The following URI1 variants were observed in gnomAD, a reference collection of about 807,000 sequenced individuals.
URI1 encodes unconventional prefoldin RPB5 interactor 1.
Under a neutral mutation model 60.2 loss-of-function variants are expected in URI1, and 39 were observed. The ratio of observed to expected loss-of-function variants is 0.65; its 90% CI spans 0.50 to 0.85. The LOEUF is 0.85. Ranked by LOEUF, URI1 falls within the 40% of genes least tolerant of loss-of-function variation. URI1 has a pLI of 0.00. For synonymous variants in URI1, 251 were observed against 236.8 expected (o/e 1.06, Z -0.55); for missense variants, 691 against 665.9 (o/e 1.04, Z -0.42).
intron 1 of URI1, among the ~76,000 whole-genome samples, chr19:29,954,511 C>CT (rs11411965): frequency 0.8 from 92,693 of 115,888 alleles, 38,325 homozygotes; most frequent in Non-Finnish European, 0.88. Context: ...TACAGATAAA[C>CT]TTTTTTTTTT....
chr19:29,995,600 A>G (rs2055801931), intron 4 of URI1, among the ~76,000 whole-genome samples: 1 of 149,342 alleles, frequency 6.7e-6, no homozygotes, highest in Non-Finnish European at 1.5e-5. Context: ...CTTTCTTGAT[A>G]ATGTTGTTTG....
intron 1 of URI1, among the ~76,000 whole-genome samples, chr19:29,943,702 C>T (rs948462788): frequency 6.6e-6 from 1 of 152,040 alleles, no homozygotes; most frequent in African/African-American, 2.4e-5. Context: ...TGGAAACCAC[C>T]TGTTGGGATG....
At chr19:29,960,095 C>A (rs1415038981) in intron 1 of URI1, among the ~76,000 whole-genome samples, 2 of 152,138 alleles carry the variant, frequency 1.3e-5, no homozygotes, top group Admixed American at 1.3e-4. Flanking sequence ...ATTGGAAATA[C>A]ATTCCTTTTC....
intron 10 of URI1, among the ~76,000 whole-genome samples, chr19:30,013,919 TAGA>T (rs1238118422): frequency 1.3e-5 from 2 of 150,560 alleles, no homozygotes; most frequent in African/African-American, 2.4e-5. Context: ...TGGGGCAAGG[TAGA>T]AGAAGGTGGC....
At chr19:29,998,814 A>C (rs1040999060) in intron 4 of URI1, among the ~76,000 whole-genome samples, 1 of 152,028 alleles carries the variant, frequency 6.6e-6, no homozygotes, top group Non-Finnish European at 1.5e-5. Context: ...CATGTATAGT[A>C]ATTACTGATG....
chr19:29,959,024 G>A (rs1264193716), intron 1 of URI1, among the ~76,000 whole-genome samples: 1 of 151,934 alleles, frequency 6.6e-6, no homozygotes, highest in Non-Finnish European at 1.5e-5. Flanking sequence ...TAATGTCGAC[G>A]TAAGGATTTG....
chr19:30,002,000 C>T (rs928627491), intron 4 of URI1, among the ~76,000 whole-genome samples: 23 of 152,016 alleles, frequency 1.5e-4, no homozygotes, highest in African/African-American at 5.3e-4. Context: ...CCAGGGGGCA[C>T]GTCCTGTTGA....
intron 1 of URI1, among the ~76,000 whole-genome samples, chr19:29,930,684 C>T (rs1242280864): frequency 6.6e-6 from 1 of 151,842 alleles, no homozygotes; most frequent in Non-Finnish European, 1.5e-5. Flanking sequence ...TATCTGAGAC[C>T]ACAATGTTTT....
intron 2 of URI1, among the ~76,000 whole-genome samples, chr19:29,976,412 C>A (rs2055523276): frequency 6.6e-6 from 1 of 152,142 alleles, no homozygotes; most frequent in Non-Finnish European, 1.5e-5. Flanking sequence ...GTGGTTAGTG[C>A]TGTTGGTTGA....
chr19:30,001,184 A>T (rs2055873698), intron 4 of URI1, among the ~76,000 whole-genome samples: 2 of 151,686 alleles, frequency 1.3e-5, no homozygotes, highest in African/African-American at 4.8e-5. Context: ...GAATTTCTTC[A>T]AATGTCTGGT....
chr19:30,014,928 T>C lies in URI1; in HGVS notation c.1467T>C (p.Pro489=). 6.2e-7 allele frequency: 1 copy of C among 1,613,546 alleles called. No homozygotes were observed. Among genetic ancestry groups the C allele is most frequent in the Non-Finnish European group, 8.5e-7 (1 of 1,179,590 alleles). The stretch of plus-strand genomic sequence containing the variant: ...TTATAGAAAAAGAATTTGTATCACC[T>C]TCCTTAACACCACCCCCAGCCATTG... ...GTVIEKEFVS[P]SLTPPPAIAH... is the part of the protein sequence containing the mutation. Residue 489 remains proline (P), a synonymous_variant, in exon 11 of 11, where the codon CCT becomes CCC. Coordinates refer to ENST00000392271, the MANE Select transcript of URI1 (RefSeq NM_003796.3).
At chr19:29,936,122 T>TCTTTAGAGTTTTGCTC (rs2054970369) in intron 1 of URI1, among the ~76,000 whole-genome samples, 1 of 151,274 alleles carries the variant, frequency 6.6e-6, no homozygotes. Context: ...GAGTTTTGCT[T>TCTTTAGAGTTTTGCTC]TTTTAGAGTT....
chr19:29,963,396 T>C (rs573309256), intron 1 of URI1, among the ~76,000 whole-genome samples: 43 of 152,324 alleles, frequency 2.8e-4, no homozygotes, highest in Admixed American at 9.8e-4. Context: ...TAATGCCATT[T>C]ATTTTAATTT....
Position 30,011,019 on chromosome 19 carries a change from T to C in URI1, c.1036-75T>C, listed in dbSNP as rs768883648. ...TCTCTTACTATTATTTTTTTAGTTA[T>C]AGAGTTTATTTGTTTTGGTTTCACT... On this transcript the variant is annotated intron_variant, in intron 8 of 10. Transcript: ENST00000392271. 39 of 1,485,322 alleles carry C rather than the reference T, an allele frequency of 2.6e-5. No homozygotes were observed. The African/African-American group carries it at 3.3e-4, about 13-fold the overall frequency. The allele number at this position is 1,485,322 out of a possible 1,614,324, so 92.0% of individuals were successfully genotyped here.
At chr19:29,981,420 T>G (rs999234144) in intron 2 of URI1, among the ~76,000 whole-genome samples, 20 of 152,172 alleles carry the variant, frequency 1.3e-4, no homozygotes, top group African/African-American at 3.1e-4. Context: ...GTCTTGATCT[T>G]AATCCTTTAA....
Position 30,015,509 on chromosome 19 carries a change from C to T in URI1, c.*440C>T, listed in dbSNP as rs2056075053. On this transcript the variant is annotated 3_prime_UTR_variant, in exon 11 of 11. Transcript: ENST00000392271. The stretch of plus-strand genomic sequence containing the variant: ...TACTTGCTTTCACATTTTAAAGGCA[C>T]TTTAAAAAAATCTACTTCTCTTGTA... 2 of 1,524,930 alleles carry T rather than the reference C, an allele frequency of 1.3e-6. No individual in the cohort carries two copies. Among genetic ancestry groups the T allele is most frequent in the Admixed American group, 4.2e-5 (2 of 48,002 alleles). 94.5% of individuals were successfully genotyped at this position (1,524,930 alleles called of 1,614,324 possible).
rs969659098 is a variant in URI1, at chr19:29,956,450, C to T, written c.117+13786C>T. The T allele has an allele frequency of 3.4e-5, 54 of 1,587,306 alleles. No homozygotes were observed. In the Admixed American group the frequency reaches 8.7e-4, roughly 26 times the overall value. On this transcript the variant is annotated intron_variant, in intron 1 of 10. Transcript: ENST00000392271. The stretch of plus-strand genomic sequence containing the variant: ...TGCTGAACAGTTCCTTTTTCAGAGA[C>T]ATAGATACCATCCAAAAATTTCCTG...
At chr19:29,939,377 C>T (rs547493818), upstream of URI1, among the ~76,000 whole-genome samples, 17 of 150,088 alleles carry the variant, frequency 1.1e-4, no homozygotes, top group South Asian at 2.3e-3. Flanking sequence ...CAGGTTCAAG[C>T]GATTCTCCTA....
chr19:29,960,818 C>A (rs2055313473), intron 1 of URI1, among the ~76,000 whole-genome samples: 1 of 151,620 alleles, frequency 6.6e-6, no homozygotes, highest in Non-Finnish European at 1.5e-5. Context: ...ATTTTTTATT[C>A]AAAAAATTGT....
Sources: gnomAD v4.1 joint callset for allele counts (sites outside exome capture counted in the v4.1 genomes callset) on GRCh38, gnomAD v4.1.1 for gene constraint, MANE v1.5 for transcripts, NCBI Gene and HGNC (gene_info 2026-07-23, HGNC 2026-07-21) for gene names.